Variants in VRK2 observed in about 807,000 individuals in gnomAD.
The protein encoded by VRK2 is VRK serine/threonine kinase 2, also known as serine/threonine-protein kinase VRK2.
A neutral mutation model predicts 57.6 loss-of-function variants in VRK2; 60 were observed. The observed-to-expected ratio is 1.04, with a 90% CI of 0.85 to 1.29. The LOEUF (loss-of-function observed/expected upper bound fraction) is 1.29. Ranked by LOEUF, VRK2 falls within the 50% of genes most tolerant of loss-of-function variation. VRK2 has a pLI of 0.00. For missense variants in VRK2, 705 were observed against 588.1 expected, an observed-to-expected ratio of 1.20 and a Z score of -2.06; for synonymous variants, 231 against 199.2, an observed-to-expected ratio of 1.16 and a Z score of -1.35.
chr2:57,936,583 G>C (rs972483539), intron 1 of VRK2, among the ~76,000 whole-genome samples: 1 of 150,036 alleles, frequency 6.7e-6, no homozygotes, highest in Non-Finnish European at 1.5e-5. Context: ...GTCCAGGCTG[G>C]AGTGCAGTGG....
chr2:58,110,485 T>TA (rs1230989591), intron 7 of VRK2, among the ~76,000 whole-genome samples: 1 of 152,226 alleles, frequency 6.6e-6, no homozygotes, highest in African/African-American at 2.4e-5. Flanking sequence ...TCATATCTGT[T>TA]AAAAAATATA....
At chr2:58,048,319 A>G (rs1043865217) in intron 1 of VRK2, among the ~76,000 whole-genome samples, 1 of 152,156 alleles carries the variant, frequency 6.6e-6, no homozygotes, top group Non-Finnish European at 1.5e-5. Context: ...GGCTCATTTA[A>G]CAAATGTTTA....
At chr2:58,073,628 T>G (rs1487034647) in intron 2 of VRK2, among the ~76,000 whole-genome samples, 1 of 135,042 alleles carries the variant, frequency 7.4e-6, no homozygotes, top group Non-Finnish European at 1.5e-5. Flanking sequence ...GGGGCAGAAC[T>G]AATAGGATTA....
chr2:58,125,190 C>A (rs958909315), intron 8 of VRK2, among the ~76,000 whole-genome samples: 13 of 151,960 alleles, frequency 8.6e-5, no homozygotes, highest in African/African-American at 1.9e-4. Flanking sequence ...CTGCTCTGAT[C>A]TAGTTTTGAG....
At chr2:57,910,891 T>C (rs1669966234) in intron 1 of VRK2, among the ~76,000 whole-genome samples, 2 of 152,148 alleles carry the variant, frequency 1.3e-5, no homozygotes, top group Non-Finnish European at 2.9e-5. Context: ...ACTCAGAGAT[T>C]TGGTTTTAAG....
chr2:57,964,796 G>A (rs1442993742), intron 1 of VRK2, among the ~76,000 whole-genome samples: 1 of 139,844 alleles, frequency 7.2e-6, no homozygotes, highest in Non-Finnish European at 1.5e-5. Flanking sequence ...TGAGGCAGAA[G>A]GATCACCTGA....
At chr2:58,086,494 A>T (rs1010631198) in intron 5 of VRK2, 68 bp downstream of exon 5, 2 of 1,339,352 alleles carry the variant, frequency 1.5e-6, no homozygotes, top group African/African-American at 3.0e-5. Flanking sequence ...TGAGTTAACT[A>T]TTGCCATGTA....
intron 1 of VRK2, among the ~76,000 whole-genome samples, chr2:57,933,309 CTTTTTTTTTT>C (rs71394403): frequency 1.6e-5 from 1 of 63,320 alleles, no homozygotes; most frequent in Admixed American, 2.3e-4. Context: ...CTTTCTTTTT[CTTTTTTTTTT>C]TTTTTTTTTT....
intron 2 of VRK2, among the ~76,000 whole-genome samples, chr2:58,061,839 A>T (rs1006837441): frequency 6.6e-6 from 1 of 152,086 alleles, no homozygotes; most frequent in African/African-American, 2.4e-5. Flanking sequence ...GTTACCACTA[A>T]GTCTTCACAC....
At chr2:58,142,225 A>G (rs1284505562) in intron 11 of VRK2, among the ~76,000 whole-genome samples, 1 of 152,008 alleles carries the variant, frequency 6.6e-6, no homozygotes, top group Non-Finnish European at 1.5e-5. Flanking sequence ...GGGAAGTAAC[A>G]GTATTTTTAA....
intron 1 of VRK2, among the ~76,000 whole-genome samples, chr2:57,972,396 T>C (rs1436135704): frequency 6.6e-6 from 1 of 151,902 alleles, no homozygotes; most frequent in Non-Finnish European, 1.5e-5. Context: ...AATGTGTTTA[T>C]TTGCTTTATC....
At chr2:58,137,056 T>C (rs1680290277) in intron 10 of VRK2, among the ~76,000 whole-genome samples, 1 of 124,858 alleles carries the variant, frequency 8.0e-6, no homozygotes, top group African/African-American at 3.2e-5. Flanking sequence ...TATATATGTG[T>C]ATATATCATA....
chr2:58,045,288 A>T (rs901318927), upstream of VRK2, among the ~76,000 whole-genome samples: 1 of 152,168 alleles, frequency 6.6e-6, no homozygotes. Context: ...ATGTATTTTG[A>T]AGGTTGAGCC....
At chr2:58,086,193 A>G (rs1671599504) in intron 4 of VRK2, 146 bp from the exon 5 acceptor site, 1 of 616,234 alleles carries the variant, frequency 1.6e-6, no homozygotes, top group African/African-American at 1.9e-5. Flanking sequence ...TGAGGCCATT[A>G]GATAGAGATG....
chr2:58,051,960 T>C (rs1675809709), intron 2 of VRK2, among the ~76,000 whole-genome samples: 1 of 152,092 alleles, frequency 6.6e-6, no homozygotes. Flanking sequence ...ATGGGAAAAA[T>C]TGCTGTCATT....
chr2:58,052,970 C>G (rs1159228264), intron 2 of VRK2, among the ~76,000 whole-genome samples: 1 of 152,164 alleles, frequency 6.6e-6, no homozygotes, highest in Non-Finnish European at 1.5e-5. Context: ...TTATCTGTAG[C>G]AGTTTTAGTT....
chr2:57,967,725 G>A (rs1671968002), intron 1 of VRK2, among the ~76,000 whole-genome samples: 1 of 151,954 alleles, frequency 6.6e-6, no homozygotes, highest in Non-Finnish European at 1.5e-5. Context: ...AGGAGACGTG[G>A]GATAGATGAT....
chr2:58,098,985 T>C (rs1381941168), intron 7 of VRK2, among the ~76,000 whole-genome samples: 1 of 152,072 alleles, frequency 6.6e-6, no homozygotes, highest in African/African-American at 2.4e-5. Flanking sequence ...TTTGAAACCT[T>C]GCTGATTTTG....
intron 1 of VRK2, among the ~76,000 whole-genome samples, chr2:57,956,562 T>A (rs962032348): frequency 6.6e-6 from 1 of 152,198 alleles, no homozygotes; most frequent in East Asian, 1.9e-4. Flanking sequence ...TAATTCTTTA[T>A]TCACTTTTTC....
Sources: allele counts gnomAD v4.1 joint callset (sites outside exome capture counted in the v4.1 genomes callset), GRCh38; gene constraint gnomAD v4.1.1; transcripts MANE v1.5; gene names NCBI Gene and HGNC (gene_info 2026-07-23, HGNC 2026-07-21).